The following MS4A4A variants were observed in gnomAD, a reference collection of about 807,000 sequenced individuals.
MS4A4A encodes membrane spanning 4-domains A4A.
In MS4A4A, 26 loss-of-function variants were observed where a neutral mutation model predicts 28.0. The observed-to-expected ratio is 0.93, with a 90% CI of 0.68 to 1.29. The LOEUF is 1.29. Among genes scored for constraint, MS4A4A ranks in the 50% most tolerant of loss-of-function variants. The pLI is 0.00. For synonymous variants in MS4A4A, 86 were observed against 100.8 expected, an observed-to-expected ratio of 0.85 and a Z score of 0.88; for missense variants, 290 against 293.1, an observed-to-expected ratio of 0.99 and a Z score of 0.08.
intron 1 of MS4A4A, among the ~76,000 whole-genome samples, chr11:60,288,331 C>T (rs1310172072): frequency 1.3e-5 from 2 of 152,206 alleles, no homozygotes; most frequent in Non-Finnish European, 1.5e-5. Context: ...ATTATAGTGG[C>T]TGTGGAGCTG....
chr11:60,308,110 G>C lies in MS4A4A; in HGVS notation c.652G>C (p.Val218Leu), dbSNP rs1360452325. 6.2e-7 allele frequency: 1 copy of C among 1,613,816 alleles called. No individual in the cohort carries two copies. Among genetic ancestry groups the C allele is most frequent in the African/African-American group, 1.3e-5 (1 of 74,894 alleles). The change falls in exon 7 of 7, where the codon GTG becomes CTG. Residue 218 changes from valine (V) to leucine (L), a missense_variant. Transcript: ENST00000337908. ...TGGCATTCTGATTGTTTCACAGGTT[G>C]TGTTAATTCTGCCATCACATTCTCA... The part of the protein sequence containing the change: ...KVLCCTPGGV[V>L]LILPSHSHMA...
At chr11:60,301,406 A>C (rs1179141449) in intron 4 of MS4A4A, among the ~76,000 whole-genome samples, 1 of 152,158 alleles carries the variant, frequency 6.6e-6, no homozygotes, top group African/African-American at 2.4e-5. Flanking sequence ...ATATTTACTG[A>C]CCCATTGATT....
chr11:60,285,775 G>A (rs889264387), intron 1 of MS4A4A, among the ~76,000 whole-genome samples: 9 of 152,166 alleles, frequency 5.9e-5, no homozygotes, highest in Admixed American at 3.3e-4. Flanking sequence ...AAGGGCAGAA[G>A]GGCAGAGCAA....
chr11:60,295,981 T>A (rs767282977), intron 2 of MS4A4A, among the ~76,000 whole-genome samples: 2 of 152,068 alleles, frequency 1.3e-5, no homozygotes, highest in Non-Finnish European at 2.9e-5. Context: ...TGATTTTTGG[T>A]AGATGGTAGT....
At chr11:60,292,521 C>G (rs993208912) in intron 2 of MS4A4A, 137 bp downstream of exon 2, 1 of 837,796 alleles carries the variant, frequency 1.2e-6, no homozygotes, top group African/African-American at 1.8e-5. Flanking sequence ...TTTTCAGGCT[C>G]TTCATCTGAA....
intron 3 of MS4A4A, among the ~76,000 whole-genome samples, chr11:60,299,066 T>C (rs12146430): frequency 6.6e-6 from 1 of 152,184 alleles, no homozygotes; most frequent in Non-Finnish European, 1.5e-5. Context: ...CTGTGGCAAA[T>C]GAAGTCCTCT....
intron 1 of MS4A4A, among the ~76,000 whole-genome samples, chr11:60,285,644 C>T (rs181652102): frequency 1.6e-4 from 25 of 152,240 alleles, no homozygotes; most frequent in Non-Finnish European, 3.2e-4. Flanking sequence ...TCAGCAGGCA[C>T]CGTGATGCCC....
chr11:60,303,777 A>T (rs2084973738), intron 5 of MS4A4A, among the ~76,000 whole-genome samples: 1 of 152,084 alleles, frequency 6.6e-6, no homozygotes, highest in Non-Finnish European at 1.5e-5. Flanking sequence ...CTCTATATGA[A>T]CTTTCAGCCT....
At chr11:60,286,814 T>C (rs558106787) in intron 1 of MS4A4A, among the ~76,000 whole-genome samples, 1 of 152,234 alleles carries the variant, frequency 6.6e-6, no homozygotes, top group South Asian at 2.1e-4. Flanking sequence ...TCTTGTTTTT[T>C]AAAAATTTTC....
At chr11:60,280,740 T>C (rs1358120391) in intron 1 of MS4A4A, 24 bp downstream of exon 1, 3 of 1,613,052 alleles carry the variant, frequency 1.9e-6, no homozygotes, top group Admixed American at 1.7e-5. Flanking sequence ...CTTGCCTTCC[T>C]AGGCTTTCGG....
intron 3 of MS4A4A, among the ~76,000 whole-genome samples, chr11:60,300,615 C>CAAAAAAAAAAAAAAAAAAA (rs760648433): frequency 2.8e-5 from 1 of 36,040 alleles, no homozygotes; most frequent in African/African-American, 1.0e-4. Context: ...GACTCCGTCT[C>CAAAAAAAAAAAAAAAAAAA]AAAAAAAAAA....
At chr11:60,302,789 A>G in intron 5 of MS4A4A, 72 bp downstream of exon 5, 7 of 1,354,860 alleles carry the variant, frequency 5.2e-6, no homozygotes, top group Non-Finnish European at 7.2e-6. Flanking sequence ...TGGCAAAGAC[A>G]ATAATTAATA....
chr11:60,303,834 G>T (rs892514922), intron 5 of MS4A4A, among the ~76,000 whole-genome samples: 2 of 152,162 alleles, frequency 1.3e-5, no homozygotes, highest in Non-Finnish European at 1.5e-5. Context: ...CTTCGCTTAT[G>T]TAAACGTGGA....
At chr11:60,297,652 A>G (rs1291259286) in intron 3 of MS4A4A, among the ~76,000 whole-genome samples, 2 of 152,218 alleles carry the variant, frequency 1.3e-5, no homozygotes, top group African/African-American at 4.8e-5. Context: ...GGATGGCTTC[A>G]TTCAGTGGTG....
intron 3 of MS4A4A, among the ~76,000 whole-genome samples, chr11:60,299,103 GACAT>G (rs2084928943): frequency 6.6e-6 from 1 of 152,138 alleles, no homozygotes; most frequent in Non-Finnish European, 1.5e-5. Flanking sequence ...CAAATACACA[GACAT>G]ACATACACAC....
At chr11:60,282,650 T>C in intron 1 of MS4A4A, 1 of 1,286,368 alleles carries the variant, frequency 7.8e-7, no homozygotes, top group Non-Finnish European at 1.0e-6. Context: ...TGCAGATGTC[T>C]CAATATAGGA....
At chr11:60,286,020 G>T (rs189503040) in intron 1 of MS4A4A, among the ~76,000 whole-genome samples, 1 of 152,112 alleles carries the variant, frequency 6.6e-6, no homozygotes, top group African/African-American at 2.4e-5. Context: ...CCCCCAGAGC[G>T]GCTGTCCATA....
chr11:60,287,020 G>T (rs1365185813), intron 1 of MS4A4A, among the ~76,000 whole-genome samples: 1 of 151,982 alleles, frequency 6.6e-6, no homozygotes, highest in Non-Finnish European at 1.5e-5. Context: ...ATTCTTTAAC[G>T]TTTGTGTATC....
chr11:60,286,959 G>A (rs991881123), intron 1 of MS4A4A, among the ~76,000 whole-genome samples: 3 of 152,076 alleles, frequency 2.0e-5, no homozygotes, highest in Admixed American at 6.5e-5. Context: ...TCTTTCTTGT[G>A]CTCTGGTCTA....
Sources: gnomAD v4.1 joint callset for allele counts (sites outside exome capture counted in the v4.1 genomes callset) on GRCh38, gnomAD v4.1.1 for gene constraint, MANE v1.5 for transcripts, NCBI Gene and HGNC (gene_info 2026-07-23, HGNC 2026-07-21) for gene names.